The following DRG2 variants were observed in gnomAD, a reference collection of about 807,000 sequenced individuals.
The protein encoded by DRG2 is developmentally regulated GTP binding protein 2.
A neutral mutation model predicts 53.4 loss-of-function variants in DRG2; 36 were observed. That is an observed-to-expected ratio of 0.67 (90% CI 0.52 to 0.89). The LOEUF is 0.89. Among genes scored for constraint, DRG2 ranks in the 40% least tolerant of loss-of-function variants. The probability of loss-of-function intolerance (pLI) is 0.00; values close to 1 mark genes in which losing one functional copy is unlikely to be tolerated. For missense variants in DRG2, 342 were observed against 481.2 expected, an observed-to-expected ratio of 0.71 and a Z score of 2.71; for synonymous variants, 167 against 192.1, an observed-to-expected ratio of 0.87 and a Z score of 1.08.
intron 2 of DRG2, chr17:18,095,687 C>T (rs2045423928): frequency 6.6e-6 from 1 of 152,222 alleles, no homozygotes; most frequent in Non-Finnish European, 1.5e-5. Flanking sequence ...AGGCGTGAGC[C>T]ACCGCGCCCG....
chr17:18,101,399 G>C, intron 7 of DRG2, 94 bp from the exon 8 acceptor site: 1 of 1,171,912 alleles, frequency 8.5e-7, no homozygotes, highest in South Asian at 1.3e-5. Context: ...GTCCCACACG[G>C]CCAGCATATT....
chr17:18,098,063 G>A lies in DRG2; in HGVS notation c.226-207G>A. 1 of 506,102 alleles carries A rather than the reference G, an allele frequency of 2.0e-6. No homozygotes were observed. Among genetic ancestry groups the A allele is most frequent in the South Asian group, 2.2e-5 (1 of 46,050 alleles). 31.4% of individuals were successfully genotyped at this position (506,102 alleles called of 1,614,324 possible). The stretch of plus-strand genomic sequence containing the variant: ...ACAGTCCTGAGGCCTCCAAGGAACA[G>A]ATGGGCCTCTGGTGTCTGACCCATC... On this transcript the variant is annotated intron_variant, in intron 2 of 12. Transcript: ENST00000225729. This position sits in a 1 kb window ranked among gnomAD's most constrained non-coding sequence, Gnocchi z 4.1.
At position 18,100,966 on chromosome 17, in the gene DRG2, G is replaced by T. The variant is rs1480595882; in HGVS notation, c.631+307G>T. 2.0e-5 allele frequency among the ~76,000 whole-genome samples: 3 copies of T among 152,218 alleles called. No individual in the cohort carries two copies. Among genetic ancestry groups the T allele is most frequent in the Non-Finnish European group, 4.4e-5 (3 of 68,038 alleles). Reference sequence around the variant, plus strand: ...GGGTTCCTAGCCTGGAGAAGCCCCAGGGAGAGCTGGGGAATGGGTGGTGCC... The same window carrying T: ...GGGTTCCTAGCCTGGAGAAGCCCCATGGAGAGCTGGGGAATGGGTGGTGCC... On this transcript the variant is annotated intron_variant, in intron 7 of 12. Coordinates refer to ENST00000225729, the MANE Select transcript of DRG2 (RefSeq NM_001388.5). The surrounding 1 kb of genome is among the most constrained non-coding windows in gnomAD (Gnocchi z 4.1).
Position 18,106,420 on chromosome 17 carries a change from T to C in DRG2, c.955-13T>C. 1 of 1,613,994 alleles carries C rather than the reference T, an allele frequency of 6.2e-7. No homozygotes were observed. Among genetic ancestry groups the C allele is most frequent in the Non-Finnish European group, 8.5e-7 (1 of 1,179,904 alleles). ...AGCCTCACCTCTCTACCTGACTCTC[T>C]CCTGTCCTCCAGTGCCACCGCATCC... On this transcript the variant is annotated splice_polypyrimidine_tract_variant and intron_variant, in intron 11 of 12. Transcript: ENST00000225729.
At position 18,098,140 on chromosome 17, in the gene DRG2, C is replaced by T. The variant is rs2045464503; in HGVS notation, c.226-130C>T. 37 of 708,496 alleles carry T rather than the reference C, an allele frequency of 5.2e-5. No homozygotes were observed. In the South Asian group the frequency reaches 5.8e-4, roughly 11 times the overall value. The allele number at this position is 708,496 out of a possible 1,614,324, so 43.9% of individuals were successfully genotyped here. A position where few individuals can be genotyped will look rare whatever the true frequency, so the allele number is the denominator to read the frequency against. ...TGGCTGGGAGGTCTCTTCACAGCCA[C>T]CTAGGTCACCAAGCCGAGGGTGAGA... is the stretch of plus-strand genomic sequence containing the variant. On this transcript the variant is annotated intron_variant, in intron 2 of 12. Coordinates refer to ENST00000225729, the MANE Select transcript of DRG2 (RefSeq NM_001388.5). The surrounding 1 kb of genome is among the most constrained non-coding windows in gnomAD (Gnocchi z 4.1).
chr17:18,098,338 G>C lies in DRG2; in HGVS notation c.294G>C (p.Thr98=). The part of the protein sequence containing the change: ...EAASYEFTTL[T]CIPGVIEYKG... ...CGTCCTATGAGTTCACCACTCTGAC[G>C]TGTATTCCTGGGGTCATTGAAGTAA... The change falls in exon 3 of 13, where the codon ACG becomes ACC. Residue 98 remains threonine, a synonymous_variant. Coordinates refer to ENST00000225729, the MANE Select transcript of DRG2 (RefSeq NM_001388.5). This position sits in a 1 kb window ranked among gnomAD's most constrained non-coding sequence, Gnocchi z 4.1. 1 of 1,613,986 alleles carries C rather than the reference G, an allele frequency of 6.2e-7. No homozygotes were observed. Among genetic ancestry groups the C allele is most frequent in the Non-Finnish European group, 8.5e-7 (1 of 1,179,864 alleles).
chr17:18,095,676 C>G (rs143694128), intron 2 of DRG2: 1 of 152,328 alleles, frequency 6.6e-6, no homozygotes, highest in Admixed American at 6.5e-5. Flanking sequence ...GCTGGGATTA[C>G]AGGCGTGAGC....
intron 2 of DRG2, among the ~76,000 whole-genome samples, chr17:18,094,727 C>T (rs2045396987): frequency 6.6e-6 from 1 of 152,016 alleles, no homozygotes; most frequent in African/African-American, 2.4e-5. Flanking sequence ...GTAAACCCAG[C>T]ACTTTGGGAG....
At position 18,093,936 on chromosome 17, in the gene DRG2, C is replaced by T. The variant is rs776497961; in HGVS notation, c.188C>T (p.Ala63Val). The change falls in exon 2 of 13, where the codon GCC becomes GTC. Residue 63 changes from alanine (A) to valine (V), a missense_variant. Coordinates refer to ENST00000225729, the MANE Select transcript of DRG2 (RefSeq NM_001388.5). The part of the protein sequence containing the change: ...EGFDVMKSGD[A>V]RVALIGFPSV... ...TTTGATGTCATGAAGTCGGGTGATG[C>T]CCGTGTGGCGCTGATTGGATTTCCC... The T allele has an allele frequency of 2.6e-5, 42 of 1,614,070 alleles. No individual in the cohort carries two copies. The highest frequency in any genetic ancestry group is 3.5e-5 in the Non-Finnish European group (41 of 1,180,046).
chr17:18,094,101 AGGG>A (rs2045386169), intron 2 of DRG2, 128 bp downstream of exon 2: 11 of 1,285,776 alleles, frequency 8.6e-6, no homozygotes, highest in Admixed American at 2.7e-5. Context: ...GGCCTCCCCC[AGGG>A]TCAGATCCCA....
intron 1 of DRG2, among the ~76,000 whole-genome samples, chr17:18,088,803 A>G (rs1345463827): frequency 6.6e-6 from 1 of 152,232 alleles, no homozygotes; most frequent in East Asian, 1.9e-4. Context: ...AGGAGCTCAC[A>G]GAAGAGAGGT....
In DRG2 at chr17:18,101,569, G is replaced by A. The variant is rs760090456; in HGVS notation, c.708G>A (p.Arg236=). The A allele has an allele frequency of 1.9e-6, 3 of 1,614,014 alleles. No homozygotes were observed. In the African/African-American group the frequency reaches 4.0e-5, roughly 22 times the overall value. Residue 236 remains arginine (R), a synonymous_variant, in exon 8 of 13, where the codon CGG becomes CGA. Transcript: ENST00000225729. ...TCATCGATGTGATCGTGGGCAACCG[G>A]GTGTACATGCCCTGCCTGTATGTAA... ...DEFIDVIVGN[R]VYMPCLYVYN... is the part of the protein sequence containing the mutation.
At chr17:18,089,583 A>G (rs2142176003) in intron 1 of DRG2, among the ~76,000 whole-genome samples, 1 of 152,304 alleles carries the variant, frequency 6.6e-6, no homozygotes, top group Admixed American at 6.5e-5. Flanking sequence ...TCAGCCAGCA[A>G]TATGTGCTAT....
At chr17:18,088,303 G>T (rs2045252046) in intron 1 of DRG2, among the ~76,000 whole-genome samples, 1 of 152,236 alleles carries the variant, frequency 6.6e-6, no homozygotes, top group Non-Finnish European at 1.5e-5. Flanking sequence ...CAAGAGATCT[G>T]GTCAGTCCCA....
In DRG2 at chr17:18,087,980, G is replaced by T. The variant is rs142012845; in HGVS notation, c.-44G>T. The stretch of plus-strand genomic sequence containing the variant: ...CGCCGCCGTCAGACCGGAATTGCCG[G>T]TGCCGCCGCCACCGCTGTCTGTGCG... On this transcript the variant is annotated 5_prime_UTR_variant, in exon 1 of 13. Transcript: ENST00000225729. 5.8e-4 allele frequency: 898 copies of T among 1,542,006 alleles called. 7 individuals carry two copies. In the African/African-American group the frequency reaches 0.011, roughly 18 times the overall value.
At chr17:18,096,989 G>C (rs1292096340) in intron 2 of DRG2, 2 of 152,198 alleles carry the variant, frequency 1.3e-5, no homozygotes, top group African/African-American at 4.8e-5. Context: ...CAGAGAGAGA[G>C]AGATTGATAG....
At position 18,107,249 on chromosome 17, in the gene DRG2, G is replaced by C. The variant is rs368645045; in HGVS notation, c.*9G>C. On this transcript the variant is annotated 3_prime_UTR_variant, in exon 13 of 13. Coordinates refer to ENST00000225729, the MANE Select transcript of DRG2 (RefSeq NM_001388.5). ...AGATCGTGAAGAAGTAACGGCGCCTGCCGGGCCTCCCGCCCACCTGCCTCG... is the reference window on the plus strand; with the variant it reads ...AGATCGTGAAGAAGTAACGGCGCCTCCCGGGCCTCCCGCCCACCTGCCTCG... 1.9e-6 allele frequency: 3 copies of C among 1,612,086 alleles called. No homozygotes were observed. Among genetic ancestry groups the C allele is most frequent in the Non-Finnish European group, 2.5e-6 (3 of 1,179,882 alleles).
chr17:18,092,290 C>G (rs567038579), intron 1 of DRG2, among the ~76,000 whole-genome samples: 1 of 152,230 alleles, frequency 6.6e-6, no homozygotes, highest in Non-Finnish European at 1.5e-5. Flanking sequence ...ATAGCAACAT[C>G]TCATCTCTAC....
chr17:18,094,497 G>C (rs2045392243), intron 2 of DRG2, among the ~76,000 whole-genome samples: 3 of 152,136 alleles, frequency 2.0e-5, no homozygotes, highest in Admixed American at 2.0e-4. Flanking sequence ...TCCTGGGTGA[G>C]AACCTTCCAG....
Sources: gnomAD v4.1 joint callset for allele counts (sites outside exome capture counted in the v4.1 genomes callset) on GRCh38, gnomAD v4.1.1 for gene constraint, Gnocchi (gnomAD v3.1) non-coding constraint, MANE v1.5 for transcripts, NCBI Gene and HGNC (gene_info 2026-07-23, HGNC 2026-07-21) for gene names.